Variants in TENT2 observed in about 807,000 individuals in gnomAD.
TENT2 encodes the protein terminal nucleotidyltransferase 2.
Under a neutral mutation model 72.2 loss-of-function variants are expected in TENT2, and 44 were observed. The ratio of observed to expected loss-of-function variants is 0.61; its 90% CI spans 0.48 to 0.78. TENT2 has a LOEUF of 0.78. Among genes scored for constraint, TENT2 ranks in the 30% least tolerant of loss-of-function variants. The pLI, the probability that TENT2 is intolerant of heterozygous loss-of-function variation, is 0.00. For missense variants in TENT2, 541 were observed against 569.6 expected (o/e 0.95, Z 0.51); for synonymous variants, 212 against 192.5 (o/e 1.10, Z -0.84).
At chr5:79,658,231 T>C (rs1307929628) in intron 11 of TENT2, among the ~76,000 whole-genome samples, 1 of 152,210 alleles carries the variant, frequency 6.6e-6, no homozygotes, top group East Asian at 1.9e-4. Flanking sequence ...ATTATTATAA[T>C]GAGTTTCCAG....
At position 79,649,795 on chromosome 5, in the gene TENT2, G is replaced by A. The variant is rs138382422; in HGVS notation, c.1027+605G>A. ...CATTCATAAGTGTGAGAATTTTTAC[G>A]GTACTGAAAATTTCCTAGACGTATA... On this transcript the variant is annotated intron_variant, in intron 10 of 14. Coordinates refer to ENST00000453514, the MANE Select transcript of TENT2 (RefSeq NM_001114394.3). Among the ~76,000 whole-genome samples the A allele has an allele frequency of 4.3e-3, 658 of 152,098 alleles. 5 individuals carry two copies. The highest frequency in any genetic ancestry group is 0.014 in the African/African-American group (580 of 41,500).
chr5:79,636,303 A>T (rs1780081640), intron 4 of TENT2, among the ~76,000 whole-genome samples: 1 of 152,244 alleles, frequency 6.6e-6, no homozygotes, highest in African/African-American at 2.4e-5. Context: ...TTGCCAACAT[A>T]TGACCATAAC....
intron 12 of TENT2, among the ~76,000 whole-genome samples, chr5:79,678,891 C>CTTTCT (rs201529417): frequency 3.3e-5 from 5 of 151,934 alleles, no homozygotes; most frequent in East Asian, 1.9e-4. Context: ...TTTACTTGTA[C>CTTTCT]TTTCTTTTCT....
intron 11 of TENT2, among the ~76,000 whole-genome samples, chr5:79,659,553 A>AATATATATATATAT (rs1561546934): frequency 3.7e-5 from 1 of 26,856 alleles, no homozygotes; most frequent in Non-Finnish European, 5.6e-5. Flanking sequence ...AAAAAAAAAA[A>AATATATATATATAT]ATGTATATAT....
At chr5:79,670,733 T>C (rs574051279) in intron 12 of TENT2, among the ~76,000 whole-genome samples, 4 of 151,152 alleles carry the variant, frequency 2.6e-5, no homozygotes, top group East Asian at 3.9e-4. Flanking sequence ...CTTTAAGATA[T>C]TGCAATAACA....
chr5:79,653,907 GT>G (rs1796012979), intron 10 of TENT2, among the ~76,000 whole-genome samples: 1 of 152,186 alleles, frequency 6.6e-6, no homozygotes, highest in African/African-American at 2.4e-5. Flanking sequence ...AACACAAACA[GT>G]TGGATTAAAT....
chr5:79,677,879 A>T (rs1306843791), intron 12 of TENT2, among the ~76,000 whole-genome samples: 1 of 152,184 alleles, frequency 6.6e-6, no homozygotes, highest in Admixed American at 6.5e-5. Flanking sequence ...AGCTTACTGC[A>T]GCCTCAACCT....
chr5:79,674,736 G>T (rs1248215614), intron 12 of TENT2, among the ~76,000 whole-genome samples: 1 of 151,936 alleles, frequency 6.6e-6, no homozygotes, highest in Non-Finnish European at 1.5e-5. Context: ...TTTTGTATTT[G>T]AAATTTTTCA....
chr5:79,642,260 A>T (rs1007635171), intron 6 of TENT2, among the ~76,000 whole-genome samples: 2 of 152,048 alleles, frequency 1.3e-5, no homozygotes, highest in Admixed American at 1.3e-4. Context: ...AGGAAGAATG[A>T]TATTTTTCTA....
Position 79,668,960 on chromosome 5 carries a change from C to T in TENT2, c.1140C>T (p.Leu380=), listed in dbSNP as rs1376130476. ...CTCCATGTAATGTTCCTCCTTACCT[C>T]TCAAAGAATGAATCAAACCTTGGGG... ...HQAPCNVPPY[L]SKNESNLGDL... The change falls in exon 12 of 15, where the codon CTC becomes CTT. Residue 380 remains leucine, a synonymous_variant. Transcript: ENST00000453514. The T allele has an allele frequency of 2.5e-6, 4 of 1,613,656 alleles. No individual in the cohort carries two copies. In the South Asian group the frequency reaches 4.4e-5, roughly 18 times the overall value.
intron 8 of TENT2, among the ~76,000 whole-genome samples, chr5:79,645,899 A>G (rs1002237094): frequency 2.6e-5 from 4 of 152,184 alleles, no homozygotes; most frequent in Non-Finnish European, 5.9e-5. Flanking sequence ...TGTTTTCACG[A>G]ATTTGCCTAC....
chr5:79,619,210 A>C (rs1458728799), intron 1 of TENT2, among the ~76,000 whole-genome samples: 1 of 152,216 alleles, frequency 6.6e-6, no homozygotes, highest in Middle Eastern at 3.2e-3. Context: ...CAGACCTGTA[A>C]GATCCAAATT....
chr5:79,678,894 T>C (rs1027999647), intron 12 of TENT2, among the ~76,000 whole-genome samples: 13 of 143,484 alleles, frequency 9.1e-5, no homozygotes, highest in African/African-American at 2.9e-4. Flanking sequence ...ACTTGTACTT[T>C]CTTTTCTTTT....
chr5:79,684,789 A>G (rs534464473), intron 14 of TENT2, among the ~76,000 whole-genome samples: 4 of 152,372 alleles, frequency 2.6e-5, no homozygotes, highest in Admixed American at 1.3e-4. Context: ...GAGTTTTTAA[A>G]TAACATTTTC....
intron 7 of TENT2, chr5:79,644,536 A>T (rs1318484609): frequency 6.6e-6 from 1 of 152,108 alleles, no homozygotes; most frequent in African/African-American, 2.4e-5. Context: ...GTTGTATATG[A>T]TATATGTATG....
chr5:79,614,967 G>A (rs1334243862), intron 1 of TENT2: 2 of 152,174 alleles, frequency 1.3e-5, no homozygotes, highest in African/African-American at 4.8e-5. Context: ...TAGAACGAAT[G>A]CGTCGGAATG....
intron 1 of TENT2, among the ~76,000 whole-genome samples, chr5:79,616,045 C>T (rs1358492867): frequency 1.3e-5 from 2 of 151,944 alleles, no homozygotes; most frequent in East Asian, 3.9e-4. Context: ...TCCACCACCA[C>T]GCTAGCTAAT....
At chr5:79,652,209 G>A (rs888725205) in intron 10 of TENT2, among the ~76,000 whole-genome samples, 1 of 151,886 alleles carries the variant, frequency 6.6e-6, no homozygotes, top group Non-Finnish European at 1.5e-5. Context: ...TAGAAGATTA[G>A]AAGTACTCTT....
At chr5:79,630,622 C>G (rs1320335502) in intron 4 of TENT2, among the ~76,000 whole-genome samples, 1 of 151,828 alleles carries the variant, frequency 6.6e-6, no homozygotes, top group Non-Finnish European at 1.5e-5. Flanking sequence ...GAGGAAATAG[C>G]ATGTTTGAGG....
Sources: allele counts gnomAD v4.1 joint callset (sites outside exome capture counted in the v4.1 genomes callset), GRCh38; gene constraint gnomAD v4.1.1; transcripts MANE v1.5; gene names NCBI Gene and HGNC (gene_info 2026-07-23, HGNC 2026-07-21).